The following LIMCH1 variants were observed in gnomAD, a reference collection of about 807,000 sequenced individuals.
LIMCH1 encodes the protein LIM and calponin homology domains-containing protein 1.
In LIMCH1, 113 loss-of-function variants were observed where a neutral mutation model predicts 176.5. The observed-to-expected ratio is 0.64, with a 90% CI of 0.55 to 0.75. LIMCH1 has a LOEUF of 0.75. Among genes scored for constraint, LIMCH1 ranks in the 30% least tolerant of loss-of-function variants. LIMCH1 has a pLI of 0.00. For synonymous variants in LIMCH1, 619 were observed against 645.9 expected (o/e 0.96, Z 0.63); for missense variants, 1,674 against 1,814.9 (o/e 0.92, Z 1.41).
chr4:41,620,822 T>G (rs2092516659), intron 7 of LIMCH1, 132 bp downstream of exon 7: 1 of 1,019,442 alleles, frequency 9.8e-7, no homozygotes, highest in South Asian at 1.7e-5. Flanking sequence ...TGTTCCCTGC[T>G]CTGAGCACGT....
rs984831171 is a variant in LIMCH1 at position 41,652,248 on chromosome 4, AT to A, written c.3036+1650del. On this transcript the variant is annotated intron_variant, in intron 18 of 31. Transcript: ENST00000503057. ...GATTAGTCTTTTGAAGACTAAAATTATTTTTTTTTTCAGAGGAGTTGAGAAG... is the reference window on the plus strand; with the variant it reads ...GATTAGTCTTTTGAAGACTAAAATTATTTTTTTTTCAGAGGAGTTGAGAAG... Among the ~76,000 whole-genome samples the A allele has an allele frequency of 1.9e-3, 289 of 150,206 alleles. 2 individuals carry two copies. Among genetic ancestry groups the A allele is most frequent in the African/African-American group, 6.4e-3 (262 of 40,954 alleles).
At chr4:41,605,281 A>G (rs1002683247) in intron 3 of LIMCH1, among the ~76,000 whole-genome samples, 1 of 152,178 alleles carries the variant, frequency 6.6e-6, no homozygotes, top group South Asian at 2.1e-4. Context: ...TCTCAGATTA[A>G]TGGGAATCTA....
chr4:41,367,866 T>TAAAAAAAAA (rs750045066), intron 1 of LIMCH1, among the ~76,000 whole-genome samples: 3 of 90,950 alleles, frequency 3.3e-5, no homozygotes, highest in Admixed American at 1.2e-4. Flanking sequence ...GACTCCATCA[T>TAAAAAAAAA]AAAAAAAAAA....
rs1561309276 is a variant in LIMCH1, at chr4:41,419,588, T to TCCTTCCTTCCTTCCTTCC, written c.96+58652_96+58653insCCTTCCTTCCTTCCTTCC. 7.1e-4 allele frequency among the ~76,000 whole-genome samples: 62 copies of TCCTTCCTTCCTTCCTTCC among 86,776 alleles called. 3 individuals carry two copies. Among genetic ancestry groups the TCCTTCCTTCCTTCCTTCC allele is most frequent in the African/African-American group, 5.2e-3 (59 of 11,448 alleles). The allele number at this position is 86,776 out of a possible 152,430, so 56.9% of individuals were successfully genotyped here. A position where few individuals can be genotyped will look rare whatever the true frequency, so the allele number is the denominator to read the frequency against. On this transcript the variant is annotated intron_variant, in intron 1 of 26. Coordinates refer to the LIMCH1 transcript ENST00000313860. ...CTTCCTTCCTTCCTTCCTTCCTTCC[T>TCCTTCCTTCCTTCCTTCC]TCCTTCCTTCCTTCCGTCCTTCCTT...
intron 1 of LIMCH1, among the ~76,000 whole-genome samples, chr4:41,366,161 T>TA (rs753017278): frequency 2.0e-5 from 3 of 152,210 alleles, no homozygotes; most frequent in Non-Finnish European, 4.4e-5. Context: ...AACATGATGA[T>TA]AAAAATTATG....
At chr4:41,478,736 C>G (rs569153309) in intron 1 of LIMCH1, among the ~76,000 whole-genome samples, 1 of 152,190 alleles carries the variant, frequency 6.6e-6, no homozygotes, top group Non-Finnish European at 1.5e-5. Flanking sequence ...CTTCTTCCTT[C>G]CCATCCTCAT....
intron 1 of LIMCH1, among the ~76,000 whole-genome samples, chr4:41,400,193 TAAAGAAAC>T (rs879363020): frequency 5.3e-5 from 8 of 152,124 alleles, no homozygotes; most frequent in Non-Finnish European, 1.2e-4. Context: ...TTGCATTTTT[TAAAGAAAC>T]AGTAGCAATA....
At chr4:41,600,778 A>G (rs1385060806) in intron 2 of LIMCH1, among the ~76,000 whole-genome samples, 1 of 152,166 alleles carries the variant, frequency 6.6e-6, no homozygotes, top group Non-Finnish European at 1.5e-5. Context: ...AGATATGGGA[A>G]GATGGAACAA....
At chr4:41,560,613 T>A (rs2081944512) in intron 1 of LIMCH1, among the ~76,000 whole-genome samples, 1 of 152,214 alleles carries the variant, frequency 6.6e-6, no homozygotes, top group Non-Finnish European at 1.5e-5. Flanking sequence ...AGGCTGGGCA[T>A]GATGGCTCAC....
intron 9 of LIMCH1, 81 bp downstream of exon 9, chr4:41,629,815 C>CT (rs113955118): frequency 0.059 from 65,406 of 1,114,880 alleles, 598 homozygotes; most frequent in African/African-American, 0.18. Context: ...ATCTTTGTGT[C>CT]TTTTTTTTTT....
At chr4:41,463,581 C>G (rs979812710) in intron 1 of LIMCH1, among the ~76,000 whole-genome samples, 1 of 143,926 alleles carries the variant, frequency 6.9e-6, no homozygotes. Flanking sequence ...TTTTTTTTAA[C>G]TTTTATTTTT....
chr4:41,682,274 A>G lies in LIMCH1; in HGVS notation c.3718-59A>G, dbSNP rs1716619825. 5 of 1,302,832 alleles carry G rather than the reference A, an allele frequency of 3.8e-6. No individual in the cohort carries two copies. The East Asian group carries it at 9.9e-5, about 26-fold the overall frequency. 80.7% of individuals were successfully genotyped at this position (1,302,832 alleles called of 1,614,324 possible). On this transcript the variant is annotated intron_variant, in intron 25 of 31. Transcript: ENST00000503057. ...ACTTCAAATATCCCTGGCCAGAGAT[A>G]AGGGTTATACAGTGTTTTTAAAATT...
At chr4:41,474,786 AAT>A (rs1379744215) in intron 1 of LIMCH1, among the ~76,000 whole-genome samples, 2 of 152,166 alleles carry the variant, frequency 1.3e-5, no homozygotes, top group African/African-American at 4.8e-5. Flanking sequence ...ACAACTAAAA[AAT>A]AAAATTATCA....
intron 1 of LIMCH1, among the ~76,000 whole-genome samples, chr4:41,576,739 T>C (rs377683946): frequency 2.0e-5 from 3 of 152,200 alleles, no homozygotes; most frequent in Non-Finnish European, 4.4e-5. Flanking sequence ...AATTTGAGTG[T>C]AGTCTTACTA....
chr4:41,580,237 G>A (rs1181887590), intron 1 of LIMCH1, among the ~76,000 whole-genome samples: 1 of 152,262 alleles, frequency 6.6e-6, no homozygotes, highest in East Asian at 1.9e-4. Context: ...AAATGTCCAT[G>A]GAACGTGTAC....
chr4:41,546,693 T>C (rs1340154680), intron 1 of LIMCH1, among the ~76,000 whole-genome samples: 1 of 152,190 alleles, frequency 6.6e-6, no homozygotes, highest in Non-Finnish European at 1.5e-5. Context: ...TCCCCTGTGA[T>C]AGATTATGGC....
intron 2 of LIMCH1, among the ~76,000 whole-genome samples, chr4:41,602,598 C>G (rs902470203): frequency 3.3e-5 from 5 of 151,966 alleles, no homozygotes; most frequent in Non-Finnish European, 5.9e-5. Context: ...GCGGGCAGAT[C>G]ACGAGGTCAG....
intron 1 of LIMCH1, among the ~76,000 whole-genome samples, chr4:41,577,672 T>C (rs1329497570): frequency 6.6e-6 from 1 of 152,136 alleles, no homozygotes; most frequent in Non-Finnish European, 1.5e-5. Context: ...CAAGCAATCC[T>C]CTAGACTCGG....
chr4:41,516,430 C>A (rs1182966224), intron 2 of LIMCH1, among the ~76,000 whole-genome samples: 1 of 152,140 alleles, frequency 6.6e-6, no homozygotes, highest in East Asian at 1.9e-4. Context: ...ATTTAGAAAC[C>A]CAAGTTTATA....
Sources: allele counts gnomAD v4.1 joint callset (sites outside exome capture counted in the v4.1 genomes callset), GRCh38; gene constraint gnomAD v4.1.1; transcripts MANE v1.5; gene names NCBI Gene and HGNC (gene_info 2026-07-23, HGNC 2026-07-21).